The following AKAP6 variants were observed in gnomAD, a reference collection of about 807,000 sequenced individuals.
AKAP6 encodes A-kinase anchoring protein 6.
AKAP6 carries 58 observed loss-of-function variants against 188.5 expected under a neutral mutation model. The ratio of observed to expected loss-of-function variants is 0.31; its 90% CI spans 0.25 to 0.38. The LOEUF (loss-of-function observed/expected upper bound fraction) is 0.38, where lower values mean the gene tolerates loss of function less well. Ranked by LOEUF, AKAP6 falls within the 10% of genes least tolerant of loss-of-function variation. The pLI is 1.00. For synonymous variants in AKAP6, 989 were observed against 998.6 expected (o/e 0.99, Z 0.18); for missense variants, 2,710 against 2,740.0 (o/e 0.99, Z 0.24).
rs1885896675 is a variant in AKAP6, at chr14:32,600,806, A to C, written c.2730+14A>C. On this transcript the variant is annotated intron_variant, in intron 7 of 13. Coordinates refer to ENST00000280979, the MANE Select transcript of AKAP6 (RefSeq NM_004274.5). ...GGAAGCCCCAAGGTAAGTGGCTTGAAGTTTGCCTTATTTCCTCTTATTTCT... is the reference window on the plus strand; with the variant it reads ...GGAAGCCCCAAGGTAAGTGGCTTGACGTTTGCCTTATTTCCTCTTATTTCT... 6.3e-7 allele frequency: 1 copy of C among 1,587,900 alleles called. No homozygotes were observed. Among genetic ancestry groups the C allele is most frequent in the Non-Finnish European group, 8.6e-7 (1 of 1,167,212 alleles).
intron 2 of AKAP6, among the ~76,000 whole-genome samples, chr14:32,455,774 C>G (rs1003525833): frequency 2.0e-5 from 3 of 152,160 alleles, no homozygotes; most frequent in African/African-American, 4.8e-5. Flanking sequence ...CTACTCTGAT[C>G]TGTTTTTATC....
At chr14:32,795,597 A>G (rs1478855260) in intron 12 of AKAP6, among the ~76,000 whole-genome samples, 1 of 152,246 alleles carries the variant, frequency 6.6e-6, no homozygotes, top group East Asian at 1.9e-4. Context: ...GTATCCCTTC[A>G]TGTTAAAAAC....
At chr14:32,444,624 A>G (rs544155448) in intron 2 of AKAP6, among the ~76,000 whole-genome samples, 2 of 152,314 alleles carry the variant, frequency 1.3e-5, no homozygotes, top group South Asian at 2.1e-4. Flanking sequence ...GTGAAATTCA[A>G]TATGGGAAGT....
chr14:32,827,357 T>G (rs1308145607), intron 13 of AKAP6, among the ~76,000 whole-genome samples: 4 of 152,046 alleles, frequency 2.6e-5, no homozygotes, highest in Admixed American at 1.3e-4. Flanking sequence ...TTGGTTTTTT[T>G]TTTTTTCCAG....
At chr14:32,816,282 T>A (rs946414798) in intron 12 of AKAP6, among the ~76,000 whole-genome samples, 7 of 152,142 alleles carry the variant, frequency 4.6e-5, no homozygotes, top group African/African-American at 1.7e-4. Flanking sequence ...AGTGTTGAAC[T>A]CGTGGCCTCA....
rs540542882 is a variant in AKAP6 at position 32,406,869 on chromosome 14, G to C, written c.-34-26591G>C. On this transcript the variant is annotated intron_variant, in intron 1 of 13. Transcript: ENST00000280979. ...CTTATCCTTACAGATTTTTGTGACAGCCATGTACTTGTGGTGAGTGCTTGA... is the reference window on the plus strand; with the variant it reads ...CTTATCCTTACAGATTTTTGTGACACCCATGTACTTGTGGTGAGTGCTTGA... 1.0e-3 allele frequency among the ~76,000 whole-genome samples: 155 copies of C among 152,282 alleles called. 1 individual carries two copies. Among genetic ancestry groups the C allele is most frequent in the African/African-American group, 3.6e-3 (149 of 41,552 alleles).
At chr14:32,426,126 C>T (rs1340143539) in intron 1 of AKAP6, among the ~76,000 whole-genome samples, 1 of 152,096 alleles carries the variant, frequency 6.6e-6, no homozygotes, top group Non-Finnish European at 1.5e-5. Context: ...TTTTATAAGC[C>T]ATCTGAAATG....
intron 9 of AKAP6, among the ~76,000 whole-genome samples, chr14:32,713,645 G>C (rs1594873260): frequency 6.6e-6 from 1 of 152,088 alleles, no homozygotes; most frequent in Non-Finnish European, 1.5e-5. Context: ...TAAACCTCAT[G>C]AACCAACCTC....
At chr14:32,777,070 G>C (rs2033090015) in intron 12 of AKAP6, among the ~76,000 whole-genome samples, 1 of 152,176 alleles carries the variant, frequency 6.6e-6, no homozygotes, top group Non-Finnish European at 1.5e-5. Context: ...CAAGGCATGT[G>C]ATAGGGTACC....
At chr14:32,744,783 G>T (rs2031826118) in intron 11 of AKAP6, among the ~76,000 whole-genome samples, 1 of 151,926 alleles carries the variant, frequency 6.6e-6, no homozygotes, top group Non-Finnish European at 1.5e-5. Flanking sequence ...GACCTTGGAG[G>T]CCTACTTCAT....
chr14:32,732,913 CTGA>C, intron 10 of AKAP6: 9 of 522,202 alleles, frequency 1.7e-5, no homozygotes, highest in South Asian at 1.2e-4. Flanking sequence ...CTGATATATA[CTGA>C]CTGTCATGCT....
At chr14:32,420,777 C>T (rs1889815460) in intron 1 of AKAP6, among the ~76,000 whole-genome samples, 1 of 151,926 alleles carries the variant, frequency 6.6e-6, no homozygotes, top group Admixed American at 6.6e-5. Context: ...TTGGGATTTC[C>T]CTTCCTCTTC....
chr14:32,591,914 A>C (rs781442788), intron 5 of AKAP6, among the ~76,000 whole-genome samples: 1 of 152,184 alleles, frequency 6.6e-6, no homozygotes. Flanking sequence ...TGAGAGGGCA[A>C]AGTTAATTGA....
intron 2 of AKAP6, among the ~76,000 whole-genome samples, chr14:32,437,383 G>T (rs1463150959): frequency 1.3e-5 from 2 of 152,122 alleles, no homozygotes; most frequent in Non-Finnish European, 2.9e-5. Context: ...CACACTGCTG[G>T]TTCTAAGTCT....
intron 3 of AKAP6, among the ~76,000 whole-genome samples, chr14:32,537,858 G>C (rs1390011715): frequency 2.6e-5 from 4 of 152,208 alleles, no homozygotes; most frequent in Admixed American, 1.3e-4. Context: ...GAAGAGCCAT[G>C]GACGGTAATT....
chr14:32,458,238 T>C (rs1276325308), intron 2 of AKAP6, among the ~76,000 whole-genome samples: 1 of 152,188 alleles, frequency 6.6e-6, no homozygotes, highest in Non-Finnish European at 1.5e-5. Flanking sequence ...TTTCTAATTA[T>C]GTACATCTTT....
chr14:32,804,573 A>G (rs57412999), intron 12 of AKAP6, among the ~76,000 whole-genome samples: 11,616 of 152,274 alleles, frequency 0.076, 499 homozygotes, highest in South Asian at 0.15. Context: ...AGAACTACTG[A>G]TAAGGGTCTA....
intron 1 of AKAP6, among the ~76,000 whole-genome samples, chr14:32,337,385 C>T (rs1220148764): frequency 6.6e-6 from 1 of 152,034 alleles, no homozygotes; most frequent in African/African-American, 2.4e-5. Flanking sequence ...TAGAGGAACA[C>T]CTGCCTCAGA....
intron 1 of AKAP6, among the ~76,000 whole-genome samples, chr14:32,400,235 T>C (rs1216861456): frequency 6.6e-6 from 1 of 151,900 alleles, no homozygotes; most frequent in Non-Finnish European, 1.5e-5. Flanking sequence ...GGGTGGATTT[T>C]TTTTTTTTCC....
Sources: allele counts gnomAD v4.1 joint callset (sites outside exome capture counted in the v4.1 genomes callset), GRCh38; gene constraint gnomAD v4.1.1; transcripts MANE v1.5; gene names NCBI Gene and HGNC (gene_info 2026-07-23, HGNC 2026-07-21).